The following MACROD2 variants were observed in gnomAD, a reference collection of about 807,000 sequenced individuals.
MACROD2 encodes mono-ADP ribosylhydrolase 2.
In MACROD2, 36 loss-of-function variants were observed where a neutral mutation model predicts 70.4. The ratio of observed to expected loss-of-function variants is 0.51; its 90% CI spans 0.39 to 0.68. The LOEUF (loss-of-function observed/expected upper bound fraction) is 0.68, where lower values mean the gene tolerates loss of function less well. Among genes scored for constraint, MACROD2 ranks in the 30% least tolerant of loss-of-function variants. The pLI is 0.00. For synonymous variants in MACROD2, 172 were observed against 178.8 expected, an observed-to-expected ratio of 0.96 and a Z score of 0.30; for missense variants, 496 against 538.4, an observed-to-expected ratio of 0.92 and a Z score of 0.78.
intron 10 of MACROD2, chr20:15,892,986 G>C (rs2147223662): frequency 2.5e-6 from 1 of 399,010 alleles, no homozygotes; most frequent in South Asian, 1.3e-4. Flanking sequence ...AAAGAAGCCA[G>C]AATGTTCGAA....
At chr20:14,973,102 T>A (rs934521597) in intron 5 of MACROD2, among the ~76,000 whole-genome samples, 1 of 152,142 alleles carries the variant, frequency 6.6e-6, no homozygotes, top group Non-Finnish European at 1.5e-5. Flanking sequence ...AAATTTATCA[T>A]AAATCATACA....
intron 5 of MACROD2, among the ~76,000 whole-genome samples, chr20:15,141,974 C>T (rs1303472417): frequency 6.6e-6 from 1 of 152,146 alleles, no homozygotes; most frequent in African/African-American, 2.4e-5. Flanking sequence ...CTTTAAGGTT[C>T]ACCTGAAATG....
intron 8 of MACROD2, among the ~76,000 whole-genome samples, chr20:15,530,079 C>A (rs1164205216): frequency 6.6e-6 from 1 of 152,062 alleles, no homozygotes; most frequent in Non-Finnish European, 1.5e-5. Flanking sequence ...GATAATAAAC[C>A]TGATTTAATT....
At chr20:14,228,163 G>A (rs2081761110) in intron 3 of MACROD2, among the ~76,000 whole-genome samples, 4 of 14,294 alleles carry the variant, frequency 2.8e-4, no homozygotes, top group Admixed American at 2.7e-3. Flanking sequence ...TTTTTTCTAT[G>A]TATATATATA....
intron 5 of MACROD2, among the ~76,000 whole-genome samples, chr20:14,866,999 G>A (rs1159866348): frequency 1.3e-5 from 2 of 152,052 alleles, no homozygotes; most frequent in African/African-American, 4.8e-5. Flanking sequence ...CCCCCTGCCT[G>A]TAATTTCAGA....
rs1213492096 is a variant in MACROD2, at chr20:15,187,088, T to G, written c.419-42852T>G. Among the ~76,000 whole-genome samples, 3 of 152,184 alleles carry G rather than the reference T, an allele frequency of 2.0e-5. No individual in the cohort carries two copies. The South Asian group carries it at 6.2e-4, about 32-fold the overall frequency. ...CCAAACTGCCAAAGAGCCAGCGACA[T>G]GATTGATGGTTGAGAGCCACTGCTT... On this transcript the variant is annotated intron_variant, in intron 5 of 17. Coordinates refer to ENST00000684519, the MANE Select transcript of MACROD2 (RefSeq NM_001351661.2).
At chr20:15,237,438 A>T (rs747244368) in intron 6 of MACROD2, among the ~76,000 whole-genome samples, 1 of 152,216 alleles carries the variant, frequency 6.6e-6, no homozygotes, top group Non-Finnish European at 1.5e-5. Flanking sequence ...TTGTCTTTAC[A>T]TGTTGAAAAT....
intron 13 of MACROD2, among the ~76,000 whole-genome samples, chr20:15,972,836 TAAATA>T (rs2066251834): frequency 6.6e-6 from 1 of 151,442 alleles, no homozygotes; most frequent in Admixed American, 6.6e-5. Context: ...AAAAAAAAGA[TAAATA>T]AAAGGTCCCA....
At chr20:14,579,127 CTTTTTTTTTTT>C (rs71190141) in intron 4 of MACROD2, among the ~76,000 whole-genome samples, 19 of 74,360 alleles carry the variant, frequency 2.6e-4, no homozygotes, top group South Asian at 1.3e-3. Context: ...GTATCCAATT[CTTTTTTTTTTT>C]TTTTTTTTTT....
chr20:14,043,234 T>C (rs2053419610), intron 2 of MACROD2, among the ~76,000 whole-genome samples: 1 of 152,210 alleles, frequency 6.6e-6, no homozygotes, highest in Non-Finnish European at 1.5e-5. Flanking sequence ...TGGGTTGTTT[T>C]ACCTGTGCTT....
intron 3 of MACROD2, chr20:14,328,970 G>A (rs2082785273): frequency 6.6e-6 from 1 of 152,054 alleles, no homozygotes; most frequent in African/African-American, 2.4e-5. Context: ...TCTGTGCAAT[G>A]TGGTCAGAGA....
chr20:14,646,652 T>C (rs1455975612), intron 4 of MACROD2, among the ~76,000 whole-genome samples: 2 of 151,774 alleles, frequency 1.3e-5, no homozygotes, highest in Non-Finnish European at 2.9e-5. Flanking sequence ...ACAGAAACAA[T>C]GAGGCTGCAC....
chr20:15,491,454 G>T (rs888750377), intron 7 of MACROD2, among the ~76,000 whole-genome samples: 2 of 152,202 alleles, frequency 1.3e-5, no homozygotes, highest in African/African-American at 4.8e-5. Flanking sequence ...TTTAAAGGCA[G>T]GGGTTTGTGT....
chr20:15,596,074 T>A (rs952847383), intron 8 of MACROD2, among the ~76,000 whole-genome samples: 3 of 152,240 alleles, frequency 2.0e-5, no homozygotes, highest in African/African-American at 7.2e-5. Flanking sequence ...TGAAGAACCA[T>A]GATACATGTA....
chr20:14,733,111 T>G (rs570106617), intron 5 of MACROD2, among the ~76,000 whole-genome samples: 1 of 152,326 alleles, frequency 6.6e-6, no homozygotes, highest in East Asian at 1.9e-4. Context: ...TTTTTCCTGA[T>G]GCATATTTAT....
intron 8 of MACROD2, among the ~76,000 whole-genome samples, chr20:15,586,734 G>A (rs946345641): frequency 2.0e-5 from 3 of 152,222 alleles, no homozygotes; most frequent in Admixed American, 6.5e-5. Flanking sequence ...CAATAGAAAT[G>A]TTCAATAACT....
chr20:15,537,530 A>G (rs771156966), intron 8 of MACROD2, among the ~76,000 whole-genome samples: 2 of 142,998 alleles, frequency 1.4e-5, no homozygotes, highest in Admixed American at 1.5e-4. Context: ...CTGGGGTGCA[A>G]TGACACCATC....
intron 5 of MACROD2, among the ~76,000 whole-genome samples, chr20:14,962,315 TAG>T (rs1238720292): frequency 6.6e-6 from 1 of 152,100 alleles, no homozygotes; most frequent in Non-Finnish European, 1.5e-5. Flanking sequence ...CATTTTTTTC[TAG>T]AGAGAGAATC....
At chr20:15,165,235 C>T (rs1373459237) in intron 5 of MACROD2, among the ~76,000 whole-genome samples, 1 of 152,162 alleles carries the variant, frequency 6.6e-6, no homozygotes, top group African/African-American at 2.4e-5. Flanking sequence ...ACAGGTGAAT[C>T]ATCTGAGGTC....
Sources: allele counts gnomAD v4.1 joint callset (sites outside exome capture counted in the v4.1 genomes callset), GRCh38; gene constraint gnomAD v4.1.1; transcripts MANE v1.5; gene names NCBI Gene and HGNC (gene_info 2026-07-23, HGNC 2026-07-21).